The following TENM2 variants were observed in gnomAD, a reference collection of about 807,000 sequenced individuals.
TENM2 encodes teneurin transmembrane protein 2.
TENM2 carries 52 observed loss-of-function variants against 245.2 expected under a neutral mutation model. The observed-to-expected ratio is 0.21, with a 90% CI of 0.17 to 0.27. The LOEUF is 0.27. Among genes scored for constraint, TENM2 ranks in the 10% least tolerant of loss-of-function variants. TENM2 has a pLI of 1.00. For synonymous variants in TENM2, 1,363 were observed against 1,438.9 expected (o/e 0.95, Z 1.19); for missense variants, 3,046 against 3,666.8 (o/e 0.83, Z 4.37).
chr5:167,213,823 A>G, the TENM2 span, among the ~76,000 whole-genome samples: 13 of 152,316 alleles, frequency 8.5e-5, no homozygotes, highest in South Asian at 2.3e-3. Flanking sequence ...CTTTAATTGC[A>G]TGAGTTTTGA....
At chr5:167,618,432 G>A (rs1008386687) in intron 2 of TENM2, among the ~76,000 whole-genome samples, 3 of 152,010 alleles carry the variant, frequency 2.0e-5, no homozygotes, top group African/African-American at 7.2e-5. Flanking sequence ...CAAATCCTCT[G>A]GGGGCTTCTT....
At chr5:168,115,715 A>G (rs1268427488) in intron 9 of TENM2, among the ~76,000 whole-genome samples, 2 of 152,176 alleles carry the variant, frequency 1.3e-5, no homozygotes, top group Admixed American at 1.3e-4. Flanking sequence ...AAGGGGGCTG[A>G]GAAGTGATGT....
exon 11 of TENM2, chr5:168,124,985 C>A (rs749976992): frequency 1.9e-6 from 3 of 1,611,448 alleles, no homozygotes; most frequent in Non-Finnish European, 2.5e-6. Flanking sequence ...GGGCATGGCA[C>A]GTACCTGCCT....
chr5:168,023,056 C>T (rs1786301692), intron 5 of TENM2, among the ~76,000 whole-genome samples: 1 of 152,150 alleles, frequency 6.6e-6, no homozygotes, highest in Non-Finnish European at 1.5e-5. Context: ...CTTGGATTAG[C>T]CCAACAGCTT....
At chr5:168,258,476 G>A (rs1767885264) in intron 27 of TENM2, among the ~76,000 whole-genome samples, 1 of 152,140 alleles carries the variant, frequency 6.6e-6, no homozygotes, top group African/African-American at 2.4e-5. Flanking sequence ...ACTCCAGCCT[G>A]GGTGACAGAG....
chr5:167,530,525 A>G (rs184228664), intron 2 of TENM2, among the ~76,000 whole-genome samples: 2 of 152,316 alleles, frequency 1.3e-5, no homozygotes, highest in East Asian at 3.9e-4. Context: ...ATTTTCTCAC[A>G]AAATGGCAGT....
intron 2 of TENM2, among the ~76,000 whole-genome samples, chr5:167,541,915 T>C (rs1772235965): frequency 6.6e-6 from 1 of 152,200 alleles, no homozygotes; most frequent in Admixed American, 6.5e-5. Context: ...AGGGGATTGT[T>C]AGAGTTGGGG....
chr5:167,823,086 A>G (rs1240366753), intron 2 of TENM2, among the ~76,000 whole-genome samples: 3 of 152,176 alleles, frequency 2.0e-5, no homozygotes, highest in Non-Finnish European at 2.9e-5. Context: ...ATCGCTTGCC[A>G]GATTTTTTTC....
chr5:167,208,697 T>A, the TENM2 span, among the ~76,000 whole-genome samples: 1 of 152,232 alleles, frequency 6.6e-6, no homozygotes, highest in Admixed American at 6.5e-5. Flanking sequence ...GAACATCTTC[T>A]TAAGACGATG....
chr5:167,394,080 AT>A (rs1761917639), intron 2 of TENM2, among the ~76,000 whole-genome samples: 1 of 152,060 alleles, frequency 6.6e-6, no homozygotes, highest in African/African-American at 2.4e-5. Context: ...CGTAGATTGC[AT>A]TTTCATTTTG....
the TENM2 span, among the ~76,000 whole-genome samples, chr5:167,167,157 C>A: frequency 2.6e-5 from 4 of 152,138 alleles, no homozygotes; most frequent in African/African-American, 9.7e-5. Flanking sequence ...TGGGAAGACA[C>A]AAAGCCATAG....
At chr5:168,174,516 G>A in intron 13 of TENM2, among the ~76,000 whole-genome samples, 1 of 152,170 alleles carries the variant, frequency 6.6e-6, no homozygotes, top group South Asian at 2.1e-4. Context: ...GGCACAGATG[G>A]CTGGGCCCCA....
intron 3 of TENM2, among the ~76,000 whole-genome samples, chr5:167,922,105 G>T: frequency 6.6e-6 from 1 of 152,190 alleles, no homozygotes; most frequent in East Asian, 1.9e-4. Context: ...AAGGAGAAAA[G>T]GAAAACTGGC....
At chr5:167,629,562 T>C (rs1247624555) in intron 2 of TENM2, among the ~76,000 whole-genome samples, 1 of 152,212 alleles carries the variant, frequency 6.6e-6, no homozygotes, top group Non-Finnish European at 1.5e-5. Flanking sequence ...AATCCAGGAC[T>C]GAGCAGGTAC....
intron 23 of TENM2, among the ~76,000 whole-genome samples, chr5:168,219,824 CAAAAAAAAAAA>C (rs70976468): frequency 3.2e-4 from 16 of 49,822 alleles, no homozygotes; most frequent in Admixed American, 5.9e-4. Flanking sequence ...GTTGGCACAG[CAAAAAAAAAAA>C]AAAAAAAAAA....
the TENM2 span, among the ~76,000 whole-genome samples, chr5:167,092,564 T>C: frequency 6.6e-6 from 1 of 152,174 alleles, no homozygotes; most frequent in African/African-American, 2.4e-5. Context: ...TGCTACATGT[T>C]TTATGTGGAT....
chr5:168,081,018 G>A (rs1181504348), intron 7 of TENM2, among the ~76,000 whole-genome samples: 6 of 152,120 alleles, frequency 3.9e-5, no homozygotes, highest in African/African-American at 1.4e-4. Context: ...TCCGTCTAAT[G>A]TTGACAGTGG....
intron 9 of TENM2, among the ~76,000 whole-genome samples, chr5:168,102,712 T>C (rs1209546495): frequency 6.6e-6 from 1 of 152,192 alleles, no homozygotes; most frequent in Non-Finnish European, 1.5e-5. Flanking sequence ...CAGGTTCAAG[T>C]GCAAAAATCC....
chr5:167,952,714 G>A (rs1198395571), exon 4 of TENM2: 2 of 1,609,130 alleles, frequency 1.2e-6, no homozygotes, highest in South Asian at 1.1e-5. Context: ...AATCGGCGGA[G>A]TCAGATCCAC....
Sources: gnomAD v4.1 joint callset for allele counts (sites outside exome capture counted in the v4.1 genomes callset) on GRCh38, gnomAD v4.1.1 for gene constraint, MANE v1.5 for transcripts, NCBI Gene and HGNC (gene_info 2026-07-23, HGNC 2026-07-21) for gene names.